Variants in KCTD18 observed in about 807,000 individuals in gnomAD.
KCTD18 encodes the protein potassium channel tetramerization domain containing 18, also known as BTB/POZ domain-containing protein KCTD18.
A neutral mutation model predicts 30.4 loss-of-function variants in KCTD18; 22 were observed. That is an observed-to-expected ratio of 0.72 (90% CI 0.52 to 1.03). The LOEUF (loss-of-function observed/expected upper bound fraction) is 1.03. KCTD18 is among the 50% of genes least tolerant of loss of function. KCTD18 has a pLI of 0.00. For missense variants in KCTD18, 529 were observed against 547.6 expected (o/e 0.97, Z 0.34); for synonymous variants, 186 against 209.0 (o/e 0.89, Z 0.95).
At chr2:200,491,388 A>G (rs776428388) in intron 6 of KCTD18, among the ~76,000 whole-genome samples, 42 of 152,226 alleles carry the variant, frequency 2.8e-4, no homozygotes, top group Non-Finnish European at 5.1e-4. Flanking sequence ...TTTTCTTTAT[A>G]AATTACCCAG....
chr2:200,509,078 T>C (rs2106287132), intron 1 of KCTD18, among the ~76,000 whole-genome samples: 2 of 152,266 alleles, frequency 1.3e-5, no homozygotes, highest in South Asian at 4.1e-4. Flanking sequence ...ATAACTCCCA[T>C]TTACTGAATG....
intron 5 of KCTD18, among the ~76,000 whole-genome samples, chr2:200,494,209 G>A (rs970332295): frequency 5.3e-5 from 8 of 152,200 alleles, no homozygotes; most frequent in South Asian, 2.1e-4. Context: ...GGGGCTGTGG[G>A]AGACAGTGGA....
At chr2:200,493,717 G>A (rs1194056271) in intron 5 of KCTD18, among the ~76,000 whole-genome samples, 1 of 152,230 alleles carries the variant, frequency 6.6e-6, no homozygotes, top group African/African-American at 2.4e-5. Context: ...GATTAAATGA[G>A]TTAATAAATG....
At chr2:200,495,663 C>A (rs948570410) in intron 5 of KCTD18, among the ~76,000 whole-genome samples, 9 of 151,568 alleles carry the variant, frequency 5.9e-5, no homozygotes, top group Non-Finnish European at 1.3e-4. Context: ...GAACCGCCTG[C>A]CACGTGTTTA....
chr2:200,491,992 C>T (rs1218508187), intron 6 of KCTD18, among the ~76,000 whole-genome samples: 1 of 152,176 alleles, frequency 6.6e-6, no homozygotes, highest in Admixed American at 6.5e-5. Flanking sequence ...CTCCTTGGGA[C>T]CTTACAAGTG....
intron 3 of KCTD18, among the ~76,000 whole-genome samples, 189 bp from the exon 4 acceptor site, chr2:200,499,273 C>CA (rs1188936795): frequency 6.6e-6 from 1 of 152,006 alleles, no homozygotes; most frequent in Non-Finnish European, 1.5e-5. Flanking sequence ...TAAATCGGGG[C>CA]AGGAAGGACA....
At chr2:200,497,965 A>G (rs2088022010) in intron 4 of KCTD18, 118 bp from the exon 5 acceptor site, 1 of 710,688 alleles carries the variant, frequency 1.4e-6, no homozygotes, top group East Asian at 2.5e-5. Context: ...ACATGTAAGC[A>G]CTGAGTAGTT....
chr2:200,499,535 T>C lies in KCTD18; in HGVS notation c.373-451A>G, dbSNP rs1044961231. ...AATAAACTAGAAAATCTAGAAGAAA[T>C]GGATAAATTCCTCGACACATACACT... On this transcript the variant is annotated intron_variant, in intron 3 of 6. Transcript: ENST00000359878. 2.6e-5 allele frequency among the ~76,000 whole-genome samples: 4 copies of C among 152,096 alleles called. No individual in the cohort carries two copies. The East Asian group carries it at 7.7e-4, about 29-fold the overall frequency.
chr2:200,498,157 A>G (rs2088025810), intron 4 of KCTD18, among the ~76,000 whole-genome samples: 1 of 152,198 alleles, frequency 6.6e-6, no homozygotes, highest in African/African-American at 2.4e-5. Flanking sequence ...GCGAACTCCA[A>G]TGAACTTAGA....
chr2:200,490,861 T>C (rs1267105311), intron 6 of KCTD18, among the ~76,000 whole-genome samples: 8 of 152,140 alleles, frequency 5.3e-5, no homozygotes, highest in Admixed American at 5.2e-4. Context: ...TACTAGCAAA[T>C]TAAAATTTGG....
At chr2:200,495,849 T>A (rs1040336942) in intron 5 of KCTD18, 2 of 152,148 alleles carry the variant, frequency 1.3e-5, no homozygotes, top group Non-Finnish European at 2.9e-5. Context: ...ATTTATAATT[T>A]TTAATGTTTC....
In KCTD18 at chr2:200,506,921, G is replaced by A; in HGVS notation, c.96C>T (p.Arg32=). ...TAGATGCCAACATGGAGTCCTTGAA[G>A]CGGCACAAGGACTCCCGCCGGGCTG... ...IYTARRESLC[R]FKDSMLASMF... Residue 32 remains arginine (R), a synonymous_variant, in exon 2 of 7, where the codon CGC becomes CGT. Coordinates refer to ENST00000359878, the MANE Select transcript of KCTD18 (RefSeq NM_152387.4). The A allele has an allele frequency of 6.2e-7, 1 of 1,613,744 alleles. No homozygotes were observed. The highest frequency in any genetic ancestry group is 8.5e-7 in the Non-Finnish European group (1 of 1,179,766).
At chr2:200,493,498 G>C (rs1470378674) in intron 5 of KCTD18, among the ~76,000 whole-genome samples, 1 of 152,240 alleles carries the variant, frequency 6.6e-6, no homozygotes, top group Admixed American at 6.5e-5. Flanking sequence ...CTTTGCCACT[G>C]ATTAGCTGAG....
chr2:200,497,666 A>C, intron 5 of KCTD18, 87 bp downstream of exon 5: 1 of 886,908 alleles, frequency 1.1e-6, no homozygotes, highest in Non-Finnish European at 1.9e-6. Context: ...AATACTTTCT[A>C]AAAAAAGAAA....
At chr2:200,506,527 C>CA (rs1252549875) in intron 2 of KCTD18, among the ~76,000 whole-genome samples, 1 of 152,208 alleles carries the variant, frequency 6.6e-6, no homozygotes, top group Non-Finnish European at 1.5e-5. Context: ...TTGAAGAACA[C>CA]AGAGAGAAGC....
chr2:200,497,701 T>C lies in KCTD18; in HGVS notation c.661+52A>G, dbSNP rs768210971. On this transcript the variant is annotated intron_variant, in intron 5 of 6. Coordinates refer to ENST00000359878, the MANE Select transcript of KCTD18 (RefSeq NM_152387.4). ...ATGCAGTATTTGAGCTTACTTTGTC[T>C]TTTTTTTTTAAAGTCCACCTGCTTC... 1.1e-4 allele frequency: 93 copies of C among 857,376 alleles called. 4 individuals are homozygous for C. Among genetic ancestry groups the C allele is most frequent in the Admixed American group, 6.2e-4 (27 of 43,290 alleles). 53.1% of individuals were successfully genotyped at this position (857,376 alleles called of 1,614,324 possible). A position where few individuals can be genotyped will look rare whatever the true frequency, so the allele number is the denominator to read the frequency against.
At chr2:200,500,962 G>A (rs1574804597) in intron 3 of KCTD18, among the ~76,000 whole-genome samples, 2 of 151,510 alleles carry the variant, frequency 1.3e-5, no homozygotes, top group East Asian at 3.9e-4. Context: ...ACAGAACAGA[G>A]CCCTCAGAAA....
intron 6 of KCTD18, 116 bp downstream of exon 6, chr2:200,493,056 C>T (rs572921089): frequency 3.2e-5 from 20 of 622,554 alleles, no homozygotes; most frequent in East Asian, 1.9e-4. Context: ...ATATTCAAAT[C>T]GGTGATTAAT....
Position 200,490,622 on chromosome 2 carries a change from AATACAGAAGCGTGTC to A in KCTD18, c.765-21_765-7del. The A allele has an allele frequency of 6.4e-7, 1 of 1,571,054 alleles. No homozygotes were observed. Among genetic ancestry groups the A allele is most frequent in the South Asian group, 1.1e-5 (1 of 87,784 alleles). On this transcript the variant is annotated splice_polypyrimidine_tract_variant and splice_region_variant and intron_variant, in intron 6 of 6. Coordinates refer to ENST00000359878, the MANE Select transcript of KCTD18 (RefSeq NM_152387.4). ...CATTGAACGTTATCAGTCGCCTAGAAATACAGAAGCGTGTCATTTTCCACATGTATAGTTTTAGTA... is the reference window on the plus strand; with the variant it reads ...CATTGAACGTTATCAGTCGCCTAGAAATTTTCCACATGTATAGTTTTAGTA...
Sources: gnomAD v4.1 joint callset for allele counts (sites outside exome capture counted in the v4.1 genomes callset) on GRCh38, gnomAD v4.1.1 for gene constraint, MANE v1.5 for transcripts, NCBI Gene and HGNC (gene_info 2026-07-23, HGNC 2026-07-21) for gene names.